PRPF39: variants seen among roughly 807,000 people sequenced by gnomAD.
The protein encoded by PRPF39 is pre-mRNA processing factor 39, also known as pre-mRNA-processing factor 39.
Under a neutral mutation model 82.1 loss-of-function variants are expected in PRPF39, and 27 were observed. The observed-to-expected ratio is 0.33, with a 90% confidence interval of 0.24 to 0.45. PRPF39 has a LOEUF of 0.45. Among genes scored for constraint, PRPF39 ranks in the 20% least tolerant of loss-of-function variants. PRPF39 has a pLI of 1.00. For missense variants in PRPF39, 581 were observed against 796.9 expected, an observed-to-expected ratio of 0.73 and a Z score of 3.26; for synonymous variants, 261 against 256.4, an observed-to-expected ratio of 1.02 and a Z score of -0.17.
At chr14:45,111,991 T>C (rs1222050356) in intron 10 of PRPF39, among the ~76,000 whole-genome samples, 20 of 151,504 alleles carry the variant, frequency 1.3e-4, no homozygotes, top group Admixed American at 1.3e-3. Context: ...AGCATAGAGA[T>C]TTTTTTTTAT....
At chr14:45,085,551 G>A (rs1351623713) in intron 1 of PRPF39, among the ~76,000 whole-genome samples, 2 of 152,198 alleles carry the variant, frequency 1.3e-5, no homozygotes, top group East Asian at 1.9e-4. Context: ...GAGGAAGAAG[G>A]TAGTGTAGTT....
At chr14:45,111,265 T>A (rs1486178881) in intron 10 of PRPF39, among the ~76,000 whole-genome samples, 2 of 152,214 alleles carry the variant, frequency 1.3e-5, no homozygotes, top group African/African-American at 4.8e-5. Flanking sequence ...AGGTAATTTC[T>A]CAAGTTTTAG....
intron 1 of PRPF39, among the ~76,000 whole-genome samples, chr14:45,092,909 T>TA (rs113629094): frequency 0.16 from 23,353 of 149,630 alleles, 3,256 homozygotes; most frequent in African/African-American, 0.38. Context: ...ATAAAATTGT[T>TA]AAAAAAAAAA....
intron 11 of PRPF39, among the ~76,000 whole-genome samples, chr14:45,113,186 TTG>T (rs1206129239): frequency 6.6e-6 from 1 of 152,206 alleles, no homozygotes. Flanking sequence ...TGAGAATTAG[TTG>T]TGTCTGGGTG....
intron 5 of PRPF39, 64 bp downstream of exon 5, chr14:45,102,760 A>G (rs1884414664): frequency 7.3e-7 from 1 of 1,379,066 alleles, no homozygotes. Context: ...AATATTAAGT[A>G]TTATAATTAT....
At chr14:45,107,719 C>A in intron 6 of PRPF39, 103 bp downstream of exon 6, 1 of 1,197,864 alleles carries the variant, frequency 8.3e-7, no homozygotes, top group South Asian at 1.6e-5. Flanking sequence ...ACCTGAGGTC[C>A]GGAGTTTGAG....
At chr14:45,111,728 TCCTGGGTTCA>T (rs934275851) in intron 10 of PRPF39, among the ~76,000 whole-genome samples, 1 of 136,200 alleles carries the variant, frequency 7.3e-6, no homozygotes, top group Non-Finnish European at 1.5e-5. Flanking sequence ...AGCTTCCACC[TCCTGGGTTCA>T]AGCCATTCTC....
chr14:45,103,589 AAAGGTAG>A, intron 5 of PRPF39, among the ~76,000 whole-genome samples: 1 of 152,274 alleles, frequency 6.6e-6, no homozygotes, highest in East Asian at 1.9e-4. Flanking sequence ...TCAATGTGCT[AAAGGTAG>A]AAGTTATACA....
At chr14:45,108,585 C>T in intron 7 of PRPF39, 63 bp downstream of exon 7, 2 of 1,523,938 alleles carry the variant, frequency 1.3e-6, no homozygotes, top group East Asian at 2.4e-5. Flanking sequence ...ATTTTTCTTT[C>T]AATTTTGATA....
intron 8 of PRPF39, 140 bp from the exon 9 acceptor site, chr14:45,109,954 C>T: frequency 1.3e-6 from 2 of 1,544,752 alleles, no homozygotes; most frequent in Non-Finnish European, 1.7e-6. Context: ...TGCCTCTCTT[C>T]GTCCTTCCTT....
In PRPF39 at chr14:45,110,712, T is replaced by C; in HGVS notation, c.1467T>C (p.Asn489=). The change falls in exon 10 of 14, where the codon AAT becomes AAC. Residue 489 remains asparagine, a synonymous_variant. Coordinates refer to ENST00000355765, the MANE Select transcript of PRPF39 (RefSeq NM_017922.4). This position sits in a 1 kb window ranked among gnomAD's most constrained non-coding sequence, Gnocchi z 4.0. ...CCATTAAGAATGCCAAATCAAATAA[T>C]GAATCTTCATTTTATGCTGTCAAAC... ...QDAIKNAKSN[N]ESSFYAVKLA... The C allele has an allele frequency of 2.6e-6, 4 of 1,566,286 alleles. No homozygotes were observed. In the South Asian group the frequency reaches 3.5e-5, roughly 14 times the overall value.
chr14:45,102,953 G>T lies in PRPF39; in HGVS notation c.737+257G>T, dbSNP rs181765841. Among the ~76,000 whole-genome samples the T allele has an allele frequency of 2.4e-3, 363 of 152,240 alleles. 7 individuals carry two copies. Among genetic ancestry groups the T allele is most frequent in the Admixed American group, 0.021 (321 of 15,298 alleles). ...ATGGATAAAGAGAAACAGGAATTCT[G>T]TCTTGTCTAAGGTAGTTCAGAGTAA... On this transcript the variant is annotated intron_variant, in intron 5 of 13. Transcript: ENST00000355765.
intron 5 of PRPF39, among the ~76,000 whole-genome samples, chr14:45,103,289 T>C (rs1297778521): frequency 3.3e-5 from 5 of 152,190 alleles, no homozygotes; most frequent in Non-Finnish European, 7.4e-5. Flanking sequence ...TCATTATTTT[T>C]GTGTTCTGTT....
intron 4 of PRPF39, among the ~76,000 whole-genome samples, chr14:45,097,276 C>T (rs1413907702): frequency 2.0e-5 from 3 of 151,766 alleles, no homozygotes; most frequent in African/African-American, 4.8e-5. Flanking sequence ...CATGTTTATG[C>T]GTATGCTTTC....
chr14:45,093,718 G>A (rs1335015827), intron 1 of PRPF39, among the ~76,000 whole-genome samples: 1 of 151,288 alleles, frequency 6.6e-6, no homozygotes, highest in Non-Finnish European at 1.5e-5. Flanking sequence ...ACCACGCCCG[G>A]CTAATTTGGT....
Position 45,110,274 on chromosome 14 carries a change from A to G in PRPF39, c.1303+54A>G, listed in dbSNP as rs1293716100. On this transcript the variant is annotated intron_variant, in intron 9 of 13. Transcript: ENST00000355765. The surrounding 1 kb of genome is among the most constrained non-coding windows in gnomAD (Gnocchi z 4.0). ...TTTGAGATTTTAAGTTATTTCAGGAAACAGTGACAAATTGAGTGGTAAGGG... is the reference window on the plus strand; with the variant it reads ...TTTGAGATTTTAAGTTATTTCAGGAGACAGTGACAAATTGAGTGGTAAGGG... 6.3e-7 allele frequency: 1 copy of G among 1,598,754 alleles called. No individual in the cohort carries two copies. Among genetic ancestry groups the G allele is most frequent in the Admixed American group, 1.7e-5 (1 of 58,464 alleles).
At chr14:45,092,931 A>T (rs2139040489) in intron 1 of PRPF39, among the ~76,000 whole-genome samples, 2 of 152,282 alleles carry the variant, frequency 1.3e-5, no homozygotes, top group South Asian at 4.1e-4. Context: ...GTATCCAGTC[A>T]ACTTATAGCT....
Position 45,086,627 on chromosome 14 carries a change from AAAGTT to A in PRPF39, c.-20+2384_-20+2388del, listed in dbSNP as rs368689936. 1.4e-4 allele frequency among the ~76,000 whole-genome samples: 21 copies of A among 152,320 alleles called. No homozygotes were observed. The East Asian group carries it at 3.7e-3, about 27-fold the overall frequency. On this transcript the variant is annotated intron_variant, in intron 1 of 13. Transcript: ENST00000355765. The stretch of plus-strand genomic sequence containing the variant: ...AGTATTGTAAGATTAATACTTTTGG[AAAGTT>A]AAGTTGAGACTGGATATATCATTCA...
chr14:45,110,851 TAAAA>T lies in PRPF39; in HGVS notation c.1572+38_1572+41del. 6.6e-7 allele frequency: 1 copy of T among 1,510,128 alleles called. No homozygotes were observed. Among genetic ancestry groups the T allele is most frequent in the South Asian group, 1.2e-5 (1 of 80,522 alleles). The allele number at this position is 1,510,128 out of a possible 1,614,324, so 93.5% of individuals were successfully genotyped here. On this transcript the variant is annotated intron_variant, in intron 10 of 13. Transcript: ENST00000355765. The surrounding 1 kb of genome is among the most constrained non-coding windows in gnomAD (Gnocchi z 4.0). ...TTGTATTTTTAAGAGTATCTTCTATTAAAAAAACCAGTGGTCAGTGTATTTTCAC... is the reference window on the plus strand; with the variant it reads ...TTGTATTTTTAAGAGTATCTTCTATTAAACCAGTGGTCAGTGTATTTTCAC...
Sources: gnomAD v4.1 joint callset for allele counts (sites outside exome capture counted in the v4.1 genomes callset) on GRCh38, gnomAD v4.1.1 for gene constraint, Gnocchi (gnomAD v3.1) non-coding constraint, MANE v1.5 for transcripts, NCBI Gene and HGNC (gene_info 2026-07-23, HGNC 2026-07-21) for gene names.